Variants in PRELID3A observed in about 807,000 individuals in gnomAD.
PRELID3A encodes the protein PRELI domain containing 3A, also known as PRELI domain containing protein 3A.
A neutral mutation model predicts 23.0 loss-of-function variants in PRELID3A; 27 were observed. The observed-to-expected ratio is 1.17, with a 90% CI of 0.87 to 1.62. PRELID3A has a LOEUF of 1.62. Among genes scored for constraint, PRELID3A ranks in the 40% most tolerant of loss-of-function variants. The probability of loss-of-function intolerance (pLI) is 0.00; values close to 1 mark genes in which losing one functional copy is unlikely to be tolerated. For missense variants in PRELID3A, 231 were observed against 231.4 expected, an observed-to-expected ratio of 1.00 and a Z score of 0.01; for synonymous variants, 87 against 86.4, an observed-to-expected ratio of 1.01 and a Z score of -0.04.
chr18:12,413,647 G>C (rs2029875744), intron 1 of PRELID3A, among the ~76,000 whole-genome samples: 1 of 152,136 alleles, frequency 6.6e-6, no homozygotes, highest in East Asian at 1.9e-4. Flanking sequence ...GCAGTGGCAT[G>C]ATCTCAGTTA....
At chr18:12,423,142 C>A (rs970361565) in intron 3 of PRELID3A, among the ~76,000 whole-genome samples, 1 of 152,170 alleles carries the variant, frequency 6.6e-6, no homozygotes, top group African/African-American at 2.4e-5. Context: ...CAGTGGGCGC[C>A]CTTGAGCCTT....
intron 6 of PRELID3A, among the ~76,000 whole-genome samples, chr18:12,430,756 ATGTGTGTGATG>A (rs1568167858): frequency 1.1e-5 from 1 of 90,428 alleles, no homozygotes; most frequent in Admixed American, 1.1e-4. Flanking sequence ...GTGTGTGTGC[ATGTGTGTGATG>A]TGTGTGCATG....
intron 1 of PRELID3A, chr18:12,420,064 T>G (rs2030102135): frequency 7.7e-7 from 1 of 1,305,844 alleles, no homozygotes; most frequent in African/African-American, 1.5e-5. Flanking sequence ...ATGGCACCAC[T>G]GCATTCCTGC....
At chr18:12,409,627 C>T (rs1435736609) in intron 1 of PRELID3A, among the ~76,000 whole-genome samples, 1 of 152,084 alleles carries the variant, frequency 6.6e-6, no homozygotes, top group Admixed American at 6.6e-5. Context: ...ATGGGGGCAT[C>T]ACTGAGCCGT....
At position 12,427,032 on chromosome 18, in the gene PRELID3A, C is replaced by G; in HGVS notation, c.292-9C>G. On this transcript the variant is annotated splice_polypyrimidine_tract_variant and intron_variant, in intron 3 of 6. Transcript: ENST00000440960. ...GAAATACAATCTAAACCTTTTTTTT[C>G]TTTTTAAGATCACACTCACAAATTT... 6.3e-7 allele frequency: 1 copy of G among 1,598,898 alleles called. No individual in the cohort carries two copies. The highest frequency in any genetic ancestry group is 8.6e-7 in the Non-Finnish European group (1 of 1,169,058).
intron 1 of PRELID3A, among the ~76,000 whole-genome samples, chr18:12,411,404 T>TG (rs1909905025): frequency 7.1e-6 from 1 of 140,938 alleles, no homozygotes; most frequent in East Asian, 2.2e-4. Context: ...AGGCAGAACT[T>TG]GCAGTGAGCC....
At chr18:12,414,954 G>C (rs779050999) in intron 1 of PRELID3A, among the ~76,000 whole-genome samples, 1 of 151,526 alleles carries the variant, frequency 6.6e-6, no homozygotes, top group African/African-American at 2.4e-5. Context: ...TTTTAGAGAC[G>C]GTCTTGCTCT....
At chr18:12,429,145 A>C (rs1327191841) in intron 5 of PRELID3A, among the ~76,000 whole-genome samples, 1 of 152,220 alleles carries the variant, frequency 6.6e-6, no homozygotes, top group Non-Finnish European at 1.5e-5. Context: ...CTAACACAGC[A>C]GTGACTCTTA....
chr18:12,427,691 TA>T (rs561054894), intron 5 of PRELID3A, among the ~76,000 whole-genome samples: 313 of 146,260 alleles, frequency 2.1e-3, no homozygotes, highest in Non-Finnish European at 3.1e-3. Context: ...GACTCTGTCT[TA>T]AAAAAAAAAA....
intron 3 of PRELID3A, among the ~76,000 whole-genome samples, chr18:12,424,422 C>T (rs551265784): frequency 6.6e-6 from 1 of 152,278 alleles, no homozygotes; most frequent in South Asian, 2.1e-4. Flanking sequence ...GAACAAACCT[C>T]AGAGGAGTAA....
intron 1 of PRELID3A, among the ~76,000 whole-genome samples, chr18:12,412,078 T>C (rs1248753738): frequency 6.6e-6 from 1 of 151,796 alleles, no homozygotes; most frequent in Non-Finnish European, 1.5e-5. Flanking sequence ...GCCTGACTAC[T>C]TTTTTGTATT....
In PRELID3A at chr18:12,420,424, C is replaced by G. The variant is rs150928266; in HGVS notation, c.132C>G (p.Asp44Glu). The G allele has an allele frequency of 5.0e-6, 8 of 1,589,240 alleles. No individual in the cohort carries two copies. The East Asian group carries it at 1.4e-4, about 27-fold the overall frequency. ...LGVDVLQRRV[D>E]GRGRLHSLRL... ...TGGATGTGCTACAGCGCCGCGTGGA[C>G]GGCCGCGGCCGCCTGCACAGCTTGC... The change falls in exon 2 of 7, where the codon GAC (aspartate) becomes GAG (glutamate). Residue 44 changes from aspartate to glutamate, a missense_variant. Physicochemically the swap from Asp to Glu is conservative, Grantham distance 45 (BLOSUM62 2). Coordinates refer to ENST00000440960, the MANE Select transcript of PRELID3A (RefSeq NM_001142405.2).
At chr18:12,426,350 C>G (rs369637535) in intron 3 of PRELID3A, among the ~76,000 whole-genome samples, 147 of 150,688 alleles carry the variant, frequency 9.8e-4, no homozygotes, top group East Asian at 1.8e-3. Context: ...GTCAGGAGAT[C>G]GAGACCATCC....
chr18:12,418,823 G>C (rs1568162238), intron 1 of PRELID3A, among the ~76,000 whole-genome samples: 1 of 152,310 alleles, frequency 6.6e-6, no homozygotes, highest in Admixed American at 6.5e-5. Context: ...GACCCTGCAG[G>C]TTTCAGGCCT....
chr18:12,421,564 A>C lies in PRELID3A; in HGVS notation c.226A>C (p.Thr76Pro). 1 of 1,613,660 alleles carries C rather than the reference A, an allele frequency of 6.2e-7. No individual in the cohort carries two copies. ...GATTTTGGGAACCAGTAGGACATTG[A>C]CATACATCCGAGAACATTCTGTGGT... is the stretch of plus-strand genomic sequence containing the variant. ...RAILGTSRTL[T>P]YIREHSVVDP... is the part of the protein sequence containing the mutation. The change falls in exon 3 of 7, where the codon ACA (threonine) becomes CCA (proline). Residue 76 changes from threonine to proline, a missense_variant. Physicochemically the swap from Thr to Pro is conservative, Grantham distance 38. Transcript: ENST00000440960.
At chr18:12,421,391 G>A (rs958826498) in intron 2 of PRELID3A, 149 bp from the exon 3 acceptor site, 2 of 627,930 alleles carry the variant, frequency 3.2e-6, no homozygotes. Context: ...GAAGCGCCCT[G>A]GACACAGGGG....
intron 2 of PRELID3A, chr18:12,421,244 C>G (rs1289369384): frequency 2.6e-6 from 1 of 385,860 alleles, no homozygotes; most frequent in Non-Finnish European, 4.7e-6. Context: ...TGGGGCTCTG[C>G]CCAGACTCCG....
At chr18:12,421,515 A>G (rs749516316) in intron 2 of PRELID3A, 25 bp from the exon 3 acceptor site, 3 of 1,437,608 alleles carry the variant, frequency 2.1e-6, no homozygotes, top group Non-Finnish European at 2.9e-6. Context: ...ACGTTCCACT[A>G]TGCTAGTTTT....
At chr18:12,422,311 G>A (rs2030210447) in intron 3 of PRELID3A, 2 of 146,830 alleles carry the variant, frequency 1.4e-5, no homozygotes, top group Admixed American at 7.0e-5. Context: ...CGATTCTCCT[G>A]TCTCACCCTC....
Sources: gnomAD v4.1 joint callset for allele counts (sites outside exome capture counted in the v4.1 genomes callset) on GRCh38, gnomAD v4.1.1 for gene constraint, MANE v1.5 for transcripts, NCBI Gene and HGNC (gene_info 2026-07-23, HGNC 2026-07-21) for gene names.